Variants in GSN observed in about 807,000 individuals in gnomAD.
The protein encoded by GSN is actin-depolymerizing factor.
In GSN, 56 loss-of-function variants were observed where a neutral mutation model predicts 85.7. The observed-to-expected ratio is 0.65, with a 90% CI of 0.53 to 0.82. The LOEUF is 0.82. Ranked by LOEUF, GSN falls within the 40% of genes least tolerant of loss-of-function variation. The pLI is 0.00. For synonymous variants in GSN, 373 were observed against 399.1 expected, an observed-to-expected ratio of 0.93 and a Z score of 0.78; for missense variants, 857 against 979.8, an observed-to-expected ratio of 0.87 and a Z score of 1.67.
intron 4 of GSN, among the ~76,000 whole-genome samples, chr9:121,228,188 GCCTTCCTCCT>G: frequency 6.6e-6 from 1 of 151,814 alleles, no homozygotes. Context: ...TAGGAAGCAT[GCCTTCCTCCT>G]CCTTCTGTCC....
chr9:121,216,955 CTGTT>C (rs1160793450), intron 4 of GSN, among the ~76,000 whole-genome samples: 2 of 152,210 alleles, frequency 1.3e-5, no homozygotes, highest in South Asian at 2.1e-4. Context: ...GGTCTTCCCT[CTGTT>C]TGTGTCTGCA....
At chr9:121,324,802 A>G (rs1348343474) in intron 12 of GSN, among the ~76,000 whole-genome samples, 158 bp downstream of exon 12, 1 of 151,258 alleles carries the variant, frequency 6.6e-6, no homozygotes, top group Non-Finnish European at 1.5e-5. Flanking sequence ...TCCATGGAAC[A>G]GGTATTTATT....
intron 5 of GSN, among the ~76,000 whole-genome samples, chr9:121,246,144 C>T (rs574870616): frequency 1.2e-4 from 18 of 152,226 alleles, no homozygotes; most frequent in African/African-American, 2.9e-4. Flanking sequence ...TATGTGAACA[C>T]GTAGATGATT....
chr9:121,312,255 C>G (rs1295872289), intron 5 of GSN, 84 bp from the exon 6 acceptor site: 10 of 1,478,736 alleles, frequency 6.8e-6, no homozygotes, highest in Non-Finnish European at 9.4e-6. Context: ...GCCTGCACAC[C>G]ACACGCCACA....
chr9:121,285,030 C>T (rs1380092714), intron 2 of GSN: 1 of 167,228 alleles, frequency 6.0e-6, no homozygotes, highest in African/African-American at 2.4e-5. Flanking sequence ...TGTGTTAAAC[C>T]CTGGGCTCCA....
Position 121,299,530 on chromosome 9 carries a change from G to A in GSN, c.-9-2433G>A. ...TTTTTTGCTGGAGGTGTTAGGTGCG[G>A]AGAGGCGAGGGGGCTCGCGTGCGTC... On this transcript the variant is annotated intron_variant, in intron 2 of 17. Transcript: ENST00000432226. This position sits in a 1 kb window ranked among gnomAD's most constrained non-coding sequence, Gnocchi z 4.2. The A allele has an allele frequency of 1.1e-6, 1 of 932,142 alleles. No individual in the cohort carries two copies. Among genetic ancestry groups the A allele is most frequent in the Non-Finnish European group, 1.3e-6 (1 of 781,366 alleles). 57.7% of individuals were successfully genotyped at this position (932,142 alleles called of 1,614,324 possible).
Position 121,302,094 on chromosome 9 carries a change from C to A in GSN, c.123C>A (p.Gly41=). The change falls in exon 3 of 18, where the codon GGC becomes GGA. Residue 41 remains glycine (G), a synonymous_variant. Transcript: ENST00000432226. ...ACCTTTATGGAGACTTCTTCACGGG[C>A]GACGCCTACGTCATCCTGAAGACAG... ...PTNLYGDFFT[G]DAYVILKTVQ... 6.2e-7 allele frequency: 1 copy of A among 1,614,142 alleles called. No individual in the cohort carries two copies. Among genetic ancestry groups the A allele is most frequent in the Non-Finnish European group, 8.5e-7 (1 of 1,179,962 alleles).
At chr9:121,212,129 G>C (rs1378823044) in intron 4 of GSN, among the ~76,000 whole-genome samples, 1 of 152,108 alleles carries the variant, frequency 6.6e-6, no homozygotes, top group Admixed American at 6.5e-5. Flanking sequence ...GACTATGGAT[G>C]CCTTTTAACT....
At chr9:121,218,194 T>C (rs2054102674) in intron 4 of GSN, among the ~76,000 whole-genome samples, 2 of 152,212 alleles carry the variant, frequency 1.3e-5, no homozygotes, top group Non-Finnish European at 2.9e-5. Flanking sequence ...ATTTTAGGTC[T>C]GTCAACCTGA....
chr9:121,257,613 G>A (rs2054993194), intron 6 of GSN, among the ~76,000 whole-genome samples: 1 of 152,232 alleles, frequency 6.6e-6, no homozygotes, highest in African/African-American at 2.4e-5. Flanking sequence ...GCTCCCGTCT[G>A]TAATCCCAGC....
At chr9:121,301,823 G>A in intron 2 of GSN, 140 bp from the exon 3 acceptor site, 1 of 1,375,564 alleles carries the variant, frequency 7.3e-7, no homozygotes, top group Non-Finnish European at 1.0e-6. Flanking sequence ...GCCCAGAAGG[G>A]GATAGACTTC....
intron 2 of GSN, among the ~76,000 whole-genome samples, chr9:121,291,190 T>C (rs548405237): frequency 1.4e-3 from 210 of 152,352 alleles, no homozygotes; most frequent in African/African-American, 4.9e-3. Context: ...ATAACAACTA[T>C]GTAAATAGCA....
intron 5 of GSN, among the ~76,000 whole-genome samples, chr9:121,234,831 A>G (rs1302011909): frequency 6.6e-6 from 1 of 152,244 alleles, no homozygotes. Flanking sequence ...ACTGAGCAAC[A>G]GTGTGAGACC....
At chr9:121,252,480 A>G (rs747251727) in intron 6 of GSN, among the ~76,000 whole-genome samples, 1 of 152,234 alleles carries the variant, frequency 6.6e-6, no homozygotes, top group African/African-American at 2.4e-5. Flanking sequence ...TTCACCAAGT[A>G]TCTATCTACC....
intron 6 of GSN, among the ~76,000 whole-genome samples, chr9:121,249,917 TA>T (rs2054781733): frequency 6.6e-6 from 1 of 152,184 alleles, no homozygotes; most frequent in South Asian, 2.1e-4. Context: ...TCTTGAGAAG[TA>T]AAAAAGCTGG....
intron 1 of GSN, chr9:121,280,282 G>C (rs907955373): frequency 1.8e-4 from 27 of 152,354 alleles, no homozygotes; most frequent in African/African-American, 6.5e-4. Flanking sequence ...AGAGGCGGGA[G>C]GACTGAGCTG....
At chr9:121,297,154 C>G (rs1433084698) in intron 2 of GSN, among the ~76,000 whole-genome samples, 2 of 152,180 alleles carry the variant, frequency 1.3e-5, no homozygotes, top group Non-Finnish European at 2.9e-5. Context: ...GCAGGCATCA[C>G]TATAAGCATA....
At position 121,302,133 on chromosome 9, in the gene GSN, C is replaced by T. The variant is rs146365204; in HGVS notation, c.162C>T (p.Asn54=). The change falls in exon 3 of 18, where the codon AAC becomes AAT. Residue 54 remains asparagine (N), a synonymous_variant. Transcript: ENST00000432226. ...TCCTGAAGACAGTGCAGCTGAGGAA[C>T]GGAAATCTGCAGTATGACCTCCACT... The part of the protein sequence containing the change: ...YVILKTVQLR[N]GNLQYDLHYW... The T allele has an allele frequency of 2.1e-4, 337 of 1,614,038 alleles. No individual in the cohort carries two copies. Among genetic ancestry groups the T allele is most frequent in the Non-Finnish European group, 2.8e-4 (325 of 1,179,976 alleles).
At chr9:121,240,025 TG>T (rs2054572214) in intron 5 of GSN, 1 of 157,348 alleles carries the variant, frequency 6.4e-6, no homozygotes. Flanking sequence ...CCAGCGGGCT[TG>T]GGTAGTTTGG....
Sources: allele counts gnomAD v4.1 joint callset (sites outside exome capture counted in the v4.1 genomes callset), GRCh38; gene constraint gnomAD v4.1.1; non-coding constraint Gnocchi (gnomAD v3.1); transcripts MANE v1.5; gene names NCBI Gene and HGNC (gene_info 2026-07-23, HGNC 2026-07-21).